Variants in CPEB2 observed in about 807,000 individuals in gnomAD.
CPEB2 encodes the protein cytoplasmic polyadenylation element binding protein 2.
In CPEB2, 56 loss-of-function variants were observed where a neutral mutation model predicts 93.6. That is an observed-to-expected ratio of 0.60 (90% CI 0.48 to 0.75). The LOEUF is 0.75. CPEB2 is among the 30% of genes least tolerant of loss of function. CPEB2 has a pLI of 0.00. For synonymous variants in CPEB2, 764 were observed against 586.3 expected (o/e 1.30, Z -4.38); for missense variants, 1,579 against 1,395.1 (o/e 1.13, Z -2.10).
chr4:15,004,358 C>G, intron 1 of CPEB2, 23 bp downstream of exon 1: 2 of 1,416,364 alleles, frequency 1.4e-6, no homozygotes, highest in Non-Finnish European at 1.8e-6. Context: ...GCGGCCTGGC[C>G]GCGCCGCGGG....
At chr4:15,036,771 C>G (rs1481604743) in intron 5 of CPEB2, among the ~76,000 whole-genome samples, 2 of 152,108 alleles carry the variant, frequency 1.3e-5, no homozygotes, top group Admixed American at 1.3e-4. Flanking sequence ...GCTGTGATAA[C>G]CCACATACAG....
In CPEB2 at chr4:15,017,222, A is replaced by T; in HGVS notation, c.2069A>T (p.His690Leu). 1 of 1,602,428 alleles carries T rather than the reference A, an allele frequency of 6.2e-7. No homozygotes were observed. Among genetic ancestry groups the T allele is most frequent in the Non-Finnish European group, 8.5e-7 (1 of 1,171,438 alleles). ...RSRMYDSLNM[H>L]SLENSLIDIM... ...AGAATGTATGACAGTTTGAATATGC[A>T]CTCTTTGGAAAATTCCCTTATCGAT... is the stretch of plus-strand genomic sequence containing the variant. The change falls in exon 4 of 12, where the codon CAC becomes CTC. Residue 690 changes from histidine (H) to leucine (L), a missense_variant. Transcript: ENST00000538197.
intron 6 of CPEB2, among the ~76,000 whole-genome samples, chr4:15,049,305 A>G (rs895462498): frequency 6.6e-6 from 1 of 151,742 alleles, no homozygotes; most frequent in Non-Finnish European, 1.5e-5. Context: ...TTTTTTCTCA[A>G]CTTAAATGTC....
In CPEB2 at chr4:15,003,136, T is replaced by C; in HGVS notation, c.463T>C (p.Cys155Arg). ...HHPSSSSASS[C>R]CCCRTSSPQD... ...CCCCTCCTCCTCCTCCGCCTCCTCC[T>C]GCTGCTGCTGCCGCACCTCCTCCCC... The change falls in exon 1 of 12, where the codon TGC becomes CGC. Residue 155 changes from cysteine (C) to arginine (R), a missense_variant. Transcript: ENST00000538197. 1 of 1,529,188 alleles carries C rather than the reference T, an allele frequency of 6.5e-7. No individual in the cohort carries two copies. Among genetic ancestry groups the C allele is most frequent in the Non-Finnish European group, 8.7e-7 (1 of 1,144,012 alleles). The allele number at this position is 1,529,188 out of a possible 1,614,324, so 94.7% of individuals were successfully genotyped here. A position where few individuals can be genotyped will look rare whatever the true frequency, so the allele number is the denominator to read the frequency against.
chr4:15,024,547 T>G (rs552738604), intron 4 of CPEB2, among the ~76,000 whole-genome samples: 1 of 152,078 alleles, frequency 6.6e-6, no homozygotes, highest in East Asian at 1.9e-4. Flanking sequence ...TTCTGGAAGC[T>G]TTTAGGTTAT....
rs140783046 is a variant in CPEB2, at chr4:15,007,571, A to G, written c.1929A>G (p.Thr643=). The G allele has an allele frequency of 1.3e-5, 21 of 1,585,642 alleles. No individual in the cohort carries two copies. Among genetic ancestry groups the G allele is most frequent in the Non-Finnish European group, 1.7e-5 (20 of 1,162,140 alleles). Reference sequence around the variant, plus strand: ...TCAGAACAGACAACAATAGTAATACACTCTTACCCTTACAGGTAAGAATGG... The same window carrying G: ...TCAGAACAGACAACAATAGTAATACGCTCTTACCCTTACAGGTAAGAATGG... ...NVFRTDNNSN[T]LLPLQVRSSL... The change falls in exon 2 of 12, where the codon ACA becomes ACG. Residue 643 remains threonine (T), a synonymous_variant. Coordinates refer to ENST00000538197, the MANE Select transcript of CPEB2 (RefSeq NM_001177382.2).
Position 15,002,663 on chromosome 4 carries a change from C to A in CPEB2, c.-11C>A. On this transcript the variant is annotated 5_prime_UTR_variant, in exon 1 of 12. Coordinates refer to ENST00000538197, the MANE Select transcript of CPEB2 (RefSeq NM_001177382.2). ...GAGGAGCGTCTCCTCCCGCTGCCGG[C>A]GGCCTGATAAATGAGGGATTTCGGG... is the stretch of plus-strand genomic sequence containing the variant. 2 of 1,486,078 alleles carry A rather than the reference C, an allele frequency of 1.3e-6. No individual in the cohort carries two copies. Among genetic ancestry groups the A allele is most frequent in the South Asian group, 2.5e-5 (2 of 79,580 alleles). The allele number at this position is 1,486,078 out of a possible 1,614,324, so 92.1% of individuals were successfully genotyped here.
At chr4:15,041,273 A>G (rs1166067160) in intron 6 of CPEB2, among the ~76,000 whole-genome samples, 3 of 152,166 alleles carry the variant, frequency 2.0e-5, no homozygotes, top group Non-Finnish European at 2.9e-5. Context: ...TCTTTAAATG[A>G]GCAATAATCA....
At position 15,017,181 on chromosome 4, in the gene CPEB2, CT is replaced by C; in HGVS notation, c.2035-5del. 2 of 1,526,430 alleles carry C rather than the reference CT, an allele frequency of 1.3e-6. No homozygotes were observed. The highest frequency in any genetic ancestry group is 1.8e-6 in the Non-Finnish European group (2 of 1,106,124). The allele number at this position is 1,526,430 out of a possible 1,614,324, so 94.6% of individuals were successfully genotyped here. A position where few individuals can be genotyped will look rare whatever the true frequency, so the allele number is the denominator to read the frequency against. On this transcript the variant is annotated splice_region_variant and splice_polypyrimidine_tract_variant and intron_variant, in intron 3 of 11. Transcript: ENST00000538197. ...ATTATAATGTCTTTTTTCCTCTTCTCTTCCAGGATCGAAGTAGAATGTATGA... is the reference window on the plus strand; with the variant it reads ...ATTATAATGTCTTTTTTCCTCTTCTCTCCAGGATCGAAGTAGAATGTATGA...
chr4:15,020,507 A>G (rs574534001), intron 4 of CPEB2, among the ~76,000 whole-genome samples: 17 of 152,140 alleles, frequency 1.1e-4, no homozygotes, highest in African/African-American at 2.7e-4. Flanking sequence ...ATCCTTGTTT[A>G]TGCCCAAAAC....
chr4:15,009,109 G>C (rs558809043), intron 3 of CPEB2, among the ~76,000 whole-genome samples: 80 of 152,144 alleles, frequency 5.3e-4, no homozygotes, highest in Non-Finnish European at 1.0e-3. Context: ...AGGTGGTGAG[G>C]ATTATTATAG....
intron 4 of CPEB2, among the ~76,000 whole-genome samples, chr4:15,027,499 C>T (rs906985774): frequency 5.3e-5 from 8 of 152,260 alleles, no homozygotes; most frequent in Non-Finnish European, 8.8e-5. Context: ...CTGTCCTGCC[C>T]CTTGGATCTG....
chr4:15,043,522 T>C (rs1311063520), intron 6 of CPEB2, among the ~76,000 whole-genome samples: 1 of 152,132 alleles, frequency 6.6e-6, no homozygotes, highest in Non-Finnish European at 1.5e-5. Context: ...CATTGTTTCT[T>C]CCATTCCATT....
intron 8 of CPEB2, among the ~76,000 whole-genome samples, chr4:15,056,956 A>G: frequency 6.6e-6 from 1 of 152,272 alleles, no homozygotes; most frequent in Non-Finnish European, 1.5e-5. Context: ...GCAATATTAA[A>G]GATATTGAAT....
chr4:15,018,593 A>C (rs1409998524), intron 4 of CPEB2, among the ~76,000 whole-genome samples: 1 of 150,454 alleles, frequency 6.6e-6, no homozygotes, highest in Non-Finnish European at 1.5e-5. Context: ...GGTTTGTCTT[A>C]GATCCACCAT....
At chr4:15,012,605 G>A (rs1723634937) in intron 3 of CPEB2, among the ~76,000 whole-genome samples, 1 of 152,084 alleles carries the variant, frequency 6.6e-6, no homozygotes, top group Non-Finnish European at 1.5e-5. Context: ...AGAGTAGCAC[G>A]TCATCTGCTA....
intron 5 of CPEB2, among the ~76,000 whole-genome samples, chr4:15,037,044 T>G (rs1279660795): frequency 6.6e-6 from 1 of 152,176 alleles, no homozygotes; most frequent in Non-Finnish European, 1.5e-5. Flanking sequence ...GGCTCACGCC[T>G]GTAATCCTAG....
rs1175731473 is a variant in CPEB2, at chr4:15,004,093, A to G, written c.1420A>G (p.Thr474Ala). The change falls in exon 1 of 12, where the codon ACT (threonine) becomes GCT (alanine). Residue 474 changes from threonine (T) to alanine (A), a missense_variant. Thr to Ala is a moderately conservative substitution (Grantham distance 58). Transcript: ENST00000538197. ...CTCGCCCGTGTCGCCGCACGGCTGC[A>G]CTGGGCTCAGCGTTCCGACGAGCGG... ...SFSPVSPHGC[T>A]GLSVPTSGGG... is the part of the protein sequence containing the mutation. The G allele has an allele frequency of 6.4e-7, 1 of 1,562,502 alleles. No homozygotes were observed. Among genetic ancestry groups the G allele is most frequent in the Admixed American group, 1.9e-5 (1 of 53,794 alleles).
intron 6 of CPEB2, among the ~76,000 whole-genome samples, chr4:15,042,656 A>G (rs1243752330): frequency 6.6e-6 from 1 of 152,236 alleles, no homozygotes; most frequent in Non-Finnish European, 1.5e-5. Flanking sequence ...CGTGAAAGGC[A>G]CACTCATTAG....
Sources: allele counts gnomAD v4.1 joint callset (sites outside exome capture counted in the v4.1 genomes callset), GRCh38; gene constraint gnomAD v4.1.1; transcripts MANE v1.5; gene names NCBI Gene and HGNC (gene_info 2026-07-23, HGNC 2026-07-21).